Variants in MSRA observed in about 807,000 individuals in gnomAD.
MSRA encodes mitochondrial peptide methionine sulfoxide reductase.
Under a neutral mutation model 31.3 loss-of-function variants are expected in MSRA, and 54 were observed. That is an observed-to-expected ratio of 1.73 (90% CI 1.39 to 2.17). The LOEUF is 2.17. MSRA is among the 30% of genes most tolerant of loss of function. MSRA has a pLI of 0.00. For synonymous variants in MSRA, 169 were observed against 116.5 expected (o/e 1.45, Z -2.90); for missense variants, 507 against 300.9 (o/e 1.69, Z -5.07).
chr8:10,340,341 G>T (rs1803346175), intron 5 of MSRA, among the ~76,000 whole-genome samples: 1 of 152,156 alleles, frequency 6.6e-6, no homozygotes, highest in Non-Finnish European at 1.5e-5. Context: ...CACGTATGGT[G>T]GCAAGTCTAT....
intron 5 of MSRA, among the ~76,000 whole-genome samples, chr8:10,361,127 G>T (rs1339821808): frequency 6.6e-6 from 1 of 152,178 alleles, no homozygotes; most frequent in East Asian, 1.9e-4. Flanking sequence ...CTTCAGCAGG[G>T]CCACCCACTG....
At chr8:10,221,908 C>T (rs1352736520) in intron 2 of MSRA, among the ~76,000 whole-genome samples, 3 of 151,960 alleles carry the variant, frequency 2.0e-5, no homozygotes, top group African/African-American at 7.3e-5. Context: ...GTGGCGGAGG[C>T]CTGTGTGGCT....
intron 5 of MSRA, among the ~76,000 whole-genome samples, chr8:10,357,314 C>G (rs1427308441): frequency 6.6e-6 from 1 of 152,202 alleles, no homozygotes; most frequent in African/African-American, 2.4e-5. Flanking sequence ...TACTCAGTGG[C>G]ACAGGTCTTA....
chr8:10,254,262 G>A (rs1411782711), intron 3 of MSRA, among the ~76,000 whole-genome samples: 1 of 152,162 alleles, frequency 6.6e-6, no homozygotes. Flanking sequence ...TACCCACAAC[G>A]TGTTTTGAAC....
intron 1 of MSRA, among the ~76,000 whole-genome samples, chr8:10,089,544 C>T (rs1798755788): frequency 6.6e-6 from 1 of 152,154 alleles, no homozygotes; most frequent in African/African-American, 2.4e-5. Flanking sequence ...GGAGGGGAAA[C>T]CACAGCGGGT....
At chr8:10,251,873 G>GT (rs374131016) in intron 3 of MSRA, among the ~76,000 whole-genome samples, 1 of 150,952 alleles carries the variant, frequency 6.6e-6, no homozygotes, top group Non-Finnish European at 1.5e-5. Flanking sequence ...GGGGGGGGGG[G>GT]ACATAGGTCA....
intron 5 of MSRA, among the ~76,000 whole-genome samples, chr8:10,339,393 G>T (rs570674675): frequency 1.3e-5 from 2 of 152,168 alleles, no homozygotes; most frequent in South Asian, 4.2e-4. Context: ...GGTCCACATT[G>T]GCTGCTTTTG....
chr8:10,314,708 C>CTT (rs1029868467), intron 4 of MSRA, among the ~76,000 whole-genome samples: 2 of 152,162 alleles, frequency 1.3e-5, no homozygotes, highest in African/African-American at 4.8e-5. Context: ...CAAGAATGTT[C>CTT]TTTACAGCCC....
chr8:10,060,265 A>T (rs1280088054), intron 1 of MSRA, among the ~76,000 whole-genome samples: 1 of 152,180 alleles, frequency 6.6e-6, no homozygotes, highest in African/African-American at 2.4e-5. Flanking sequence ...GTCACAATGG[A>T]TATGCAGCTG....
At chr8:10,055,092 T>C (rs1802264768) in intron 1 of MSRA, among the ~76,000 whole-genome samples, 1 of 152,134 alleles carries the variant, frequency 6.6e-6, no homozygotes. Flanking sequence ...GTGCGAGTGT[T>C]GTCCCGGGAA....
chr8:10,070,287 C>G (rs814406), intron 1 of MSRA, among the ~76,000 whole-genome samples: 1 of 152,048 alleles, frequency 6.6e-6, no homozygotes, highest in Admixed American at 6.6e-5. Context: ...GTTCTGGAAA[C>G]TTAGTCAATT....
chr8:10,182,672 G>T (rs1806649929), intron 1 of MSRA, among the ~76,000 whole-genome samples: 1 of 152,142 alleles, frequency 6.6e-6, no homozygotes, highest in African/African-American at 2.4e-5. Flanking sequence ...GAGAATGGGG[G>T]AGATTCAGGT....
chr8:10,270,217 A>T (rs1403369611), intron 3 of MSRA, among the ~76,000 whole-genome samples: 3 of 152,208 alleles, frequency 2.0e-5, no homozygotes, highest in Non-Finnish European at 4.4e-5. Context: ...AGTTTTACTT[A>T]TATACCGGAT....
chr8:10,398,934 T>G (rs1239109549), intron 5 of MSRA, among the ~76,000 whole-genome samples: 2 of 152,166 alleles, frequency 1.3e-5, no homozygotes, highest in Non-Finnish European at 2.9e-5. Flanking sequence ...GAAGCCCCTA[T>G]CGAGAGAGGC....
At chr8:10,079,689 G>A (rs181548093) in intron 1 of MSRA, among the ~76,000 whole-genome samples, 1 of 152,270 alleles carries the variant, frequency 6.6e-6, no homozygotes, top group East Asian at 1.9e-4. Context: ...GTGCTTGGGT[G>A]CTAAGCATTA....
intron 1 of MSRA, among the ~76,000 whole-genome samples, chr8:10,162,093 G>A (rs1456822955): frequency 5.3e-5 from 8 of 152,190 alleles, no homozygotes; most frequent in Non-Finnish European, 7.3e-5. Context: ...TAGGAATTCC[G>A]ATGGGAGGTG....
In MSRA at chr8:10,415,877, C is replaced by T. The variant is rs962688181; in HGVS notation, c.544-12271C>T. On this transcript the variant is annotated intron_variant, in intron 5 of 5. Transcript: ENST00000317173. ...GTGCCCACCTCCTCCTGCAATTTCC[C>T]AGCAGGATTAACCTTTCCTTCCTCC... Among the ~76,000 whole-genome samples the T allele has an allele frequency of 1.3e-4, 20 of 152,004 alleles. 1 individual carries two copies. The highest frequency in any genetic ancestry group is 1.3e-3 in the Admixed American group (20 of 15,252).
intron 1 of MSRA, among the ~76,000 whole-genome samples, chr8:10,167,558 C>T (rs906287593): frequency 4.6e-5 from 7 of 152,200 alleles, no homozygotes; most frequent in East Asian, 1.9e-4. Flanking sequence ...ATAACAATCA[C>T]GCCAGCCAGG....
At chr8:10,408,798 C>T (rs1049432346) in intron 5 of MSRA, among the ~76,000 whole-genome samples, 1 of 145,944 alleles carries the variant, frequency 6.9e-6, no homozygotes, top group Non-Finnish European at 1.5e-5. Flanking sequence ...AGCTCCCATC[C>T]GTAAGATAGA....
Sources: gnomAD v4.1 joint callset for allele counts (sites outside exome capture counted in the v4.1 genomes callset) on GRCh38, gnomAD v4.1.1 for gene constraint, MANE v1.5 for transcripts, NCBI Gene and HGNC (gene_info 2026-07-23, HGNC 2026-07-21) for gene names.